PAQR5: variants seen among roughly 807,000 people sequenced by gnomAD.
The protein encoded by PAQR5 is membrane progestin receptor gamma.
A neutral mutation model predicts 34.5 loss-of-function variants in PAQR5; 20 were observed. The observed-to-expected ratio is 0.58, with a 90% CI of 0.41 to 0.84. The LOEUF is 0.84. Among genes scored for constraint, PAQR5 ranks in the 40% least tolerant of loss-of-function variants. The pLI is 0.00. For missense variants in PAQR5, 378 were observed against 412.7 expected, an observed-to-expected ratio of 0.92 and a Z score of 0.73; for synonymous variants, 131 against 155.6, an observed-to-expected ratio of 0.84 and a Z score of 1.18.
rs1304381254 is a variant in PAQR5, at chr15:69,330,676, A to AC, written c.-276-6659dup. On this transcript the variant is annotated intron_variant, in intron 1 of 8. Coordinates refer to ENST00000395407, the MANE Select transcript of PAQR5 (RefSeq NM_017705.4). ...AGCACTCCTGGCTCATTGGTTACCC[A>AC]CCCCCCAACCACCAACCAAGTTATC... Among the ~76,000 whole-genome samples, 6 of 151,646 alleles carry AC rather than the reference A, an allele frequency of 4.0e-5. No homozygotes were observed. In the South Asian group the frequency reaches 8.4e-4, roughly 21 times the overall value.
At chr15:69,332,169 C>T (rs570708495) in intron 1 of PAQR5, among the ~76,000 whole-genome samples, 3 of 152,304 alleles carry the variant, frequency 2.0e-5, no homozygotes, top group South Asian at 2.1e-4. Flanking sequence ...TAGTCTTAGG[C>T]GGTAGCAAAT....
intron 1 of PAQR5, among the ~76,000 whole-genome samples, chr15:69,310,435 A>G (rs904114055): frequency 3.3e-5 from 5 of 152,238 alleles, no homozygotes; most frequent in African/African-American, 1.2e-4. Context: ...ATATTTGCCA[A>G]TCTGGAAGAC....
chr15:69,382,446 A>C (rs1381370801), intron 4 of PAQR5, among the ~76,000 whole-genome samples: 1 of 151,834 alleles, frequency 6.6e-6, no homozygotes, highest in African/African-American at 2.4e-5. Context: ...GGAGATCGAG[A>C]CCATCCTGGC....
At chr15:69,365,896 T>G (rs1451296243) in intron 3 of PAQR5, among the ~76,000 whole-genome samples, 1 of 152,214 alleles carries the variant, frequency 6.6e-6, no homozygotes, top group African/African-American at 2.4e-5. Flanking sequence ...AGGGAACAAC[T>G]TGGCCCTACA....
At chr15:69,320,417 G>T (rs2054066605) in intron 1 of PAQR5, among the ~76,000 whole-genome samples, 2 of 148,808 alleles carry the variant, frequency 1.3e-5, no homozygotes, top group South Asian at 2.2e-4. Flanking sequence ...TAACTTTCTG[G>T]GTGGTTTGGA....
intron 1 of PAQR5, among the ~76,000 whole-genome samples, chr15:69,326,774 T>C (rs192060883): frequency 6.6e-6 from 1 of 152,232 alleles, no homozygotes; most frequent in Non-Finnish European, 1.5e-5. Context: ...TTAGAGCAGA[T>C]GTAGGTTTAT....
chr15:69,338,076 C>G (rs1300669845), intron 2 of PAQR5, among the ~76,000 whole-genome samples: 1 of 151,930 alleles, frequency 6.6e-6, no homozygotes, highest in Non-Finnish European at 1.5e-5. Context: ...GACTCTGTCT[C>G]AAAACAAACA....
intron 3 of PAQR5, among the ~76,000 whole-genome samples, chr15:69,374,049 T>G (rs1567027244): frequency 6.6e-6 from 1 of 152,174 alleles, no homozygotes; most frequent in Non-Finnish European, 1.5e-5. Flanking sequence ...CAGAAGAGAC[T>G]TCTTCTGTAA....
chr15:69,355,806 A>C (rs4777134), intron 2 of PAQR5, among the ~76,000 whole-genome samples: 144,213 of 152,160 alleles, frequency 0.95, 68,839 homozygotes, highest in South Asian at 1. Flanking sequence ...AAATGAAGGA[A>C]TAGAATGATA....
At chr15:69,382,011 A>C (rs368796333) in intron 4 of PAQR5, among the ~76,000 whole-genome samples, 2 of 152,152 alleles carry the variant, frequency 1.3e-5, no homozygotes, top group African/African-American at 4.8e-5. Context: ...CCTGGTGAAG[A>C]ATTTTGAAGT....
At chr15:69,324,045 T>C (rs1368400736) in intron 1 of PAQR5, among the ~76,000 whole-genome samples, 1 of 151,016 alleles carries the variant, frequency 6.6e-6, no homozygotes, top group Non-Finnish European at 1.5e-5. Flanking sequence ...TTCTCTGCAA[T>C]GTGCTAGGGA....
At chr15:69,343,586 C>T (rs2054693530) in intron 2 of PAQR5, among the ~76,000 whole-genome samples, 1 of 152,188 alleles carries the variant, frequency 6.6e-6, no homozygotes, top group Non-Finnish European at 1.5e-5. Flanking sequence ...GAACTTAAGC[C>T]AATTGCTTAT....
chr15:69,319,186 T>TAA (rs2054034356), intron 1 of PAQR5, among the ~76,000 whole-genome samples: 2 of 6,196 alleles, frequency 3.2e-4, no homozygotes, highest in Non-Finnish European at 2.6e-3. Context: ...TATATATATA[T>TAA]ATATATATAT....
intron 1 of PAQR5, among the ~76,000 whole-genome samples, chr15:69,318,502 C>G (rs1317000889): frequency 6.6e-6 from 1 of 152,092 alleles, no homozygotes; most frequent in Non-Finnish European, 1.5e-5. Context: ...GCCAACATTT[C>G]TGACACTCTG....
At chr15:69,381,818 A>T (rs2140922359) in intron 4 of PAQR5, among the ~76,000 whole-genome samples, 1 of 152,342 alleles carries the variant, frequency 6.6e-6, no homozygotes, top group Non-Finnish European at 1.5e-5. Context: ...CAAAATTAAA[A>T]AGTCCACAAG....
At chr15:69,315,150 C>G (rs1364837610) in intron 1 of PAQR5, among the ~76,000 whole-genome samples, 1 of 152,000 alleles carries the variant, frequency 6.6e-6, no homozygotes, top group Non-Finnish European at 1.5e-5. Flanking sequence ...TCTTAGGAGT[C>G]CTTGCCCAGA....
At chr15:69,335,536 C>T (rs1255859959) in intron 1 of PAQR5, among the ~76,000 whole-genome samples, 1 of 139,832 alleles carries the variant, frequency 7.2e-6, no homozygotes, top group East Asian at 2.2e-4. Flanking sequence ...TGAGCCACCG[C>T]ATCCAGTTTT....
intron 5 of PAQR5, among the ~76,000 whole-genome samples, chr15:69,387,009 C>T (rs1296116051): frequency 1.3e-5 from 2 of 151,724 alleles, no homozygotes; most frequent in Non-Finnish European, 2.9e-5. Flanking sequence ...GTTATTAAGG[C>T]CAGGTGACTT....
chr15:69,342,749 G>A (rs963802896), intron 2 of PAQR5, among the ~76,000 whole-genome samples: 6 of 152,186 alleles, frequency 3.9e-5, no homozygotes, highest in African/African-American at 1.2e-4. Flanking sequence ...GATTAGACAG[G>A]AGCCCCAGGG....
Sources: gnomAD v4.1 joint callset for allele counts (sites outside exome capture counted in the v4.1 genomes callset) on GRCh38, gnomAD v4.1.1 for gene constraint, MANE v1.5 for transcripts, NCBI Gene and HGNC (gene_info 2026-07-23, HGNC 2026-07-21) for gene names.